The following UBR3 variants were observed in gnomAD, a reference collection of about 807,000 sequenced individuals.
UBR3 encodes ubiquitin protein ligase E3 component n-recognin 3, also known as E3 ubiquitin-protein ligase UBR3.
UBR3 carries 85 observed loss-of-function variants against 243.2 expected under a neutral mutation model. That is an observed-to-expected ratio of 0.35 (90% CI 0.29 to 0.42). UBR3 has a LOEUF of 0.42. UBR3 is among the 10% of genes least tolerant of loss of function. UBR3 has a pLI of 1.00. For missense variants in UBR3, 1,686 were observed against 2,300.8 expected (o/e 0.73, Z 5.47); for synonymous variants, 748 against 799.8 (o/e 0.94, Z 1.09).
intron 10 of UBR3, among the ~76,000 whole-genome samples, chr2:169,908,480 G>A (rs1304560431): frequency 6.6e-6 from 1 of 152,068 alleles, no homozygotes; most frequent in East Asian, 1.9e-4. Flanking sequence ...AGGTTTGTTT[G>A]TTCATTTATT....
chr2:169,865,821 A>G (rs2083238758), intron 1 of UBR3, among the ~76,000 whole-genome samples: 3 of 152,094 alleles, frequency 2.0e-5, no homozygotes. Context: ...TAGCTCTCTA[A>G]TCTGTCACAC....
intron 1 of UBR3, among the ~76,000 whole-genome samples, chr2:169,839,468 G>T (rs1341850621): frequency 1.3e-5 from 2 of 152,028 alleles, no homozygotes; most frequent in Non-Finnish European, 2.9e-5. Flanking sequence ...TATCAGTAGG[G>T]TAACTGTAGT....
At chr2:169,968,213 A>T (rs2105373856) in intron 24 of UBR3, among the ~76,000 whole-genome samples, 1 of 152,262 alleles carries the variant, frequency 6.6e-6, no homozygotes, top group East Asian at 1.9e-4. Flanking sequence ...TTGTGTTAGG[A>T]ACATTTCAAA....
intron 10 of UBR3, among the ~76,000 whole-genome samples, chr2:169,910,034 A>G (rs181560195): frequency 1.4e-4 from 22 of 152,270 alleles, no homozygotes; most frequent in East Asian, 5.8e-4. Context: ...GAGAATGTCA[A>G]GTTTAGAGAG....
At chr2:170,061,486 C>T (rs2091455563) in intron 35 of UBR3, 43 bp downstream of exon 35, 2 of 1,339,702 alleles carry the variant, frequency 1.5e-6, no homozygotes, top group Non-Finnish European at 2.1e-6. Context: ...TTTTTTTTTT[C>T]AGATGGAGTC....
chr2:169,893,107 T>C lies in UBR3; in HGVS notation c.1105+1876T>C, dbSNP rs117242442. Among the ~76,000 whole-genome samples the C allele has an allele frequency of 4.8e-3, 735 of 152,332 alleles. 16 individuals carry two copies. The East Asian group carries it at 0.056, about 12-fold the overall frequency. On this transcript the variant is annotated intron_variant, in intron 6 of 38. Transcript: ENST00000272793. ...ACTACATTTTCATAATATTACACAA[T>C]ATAACACGTGCTTTAACATCTTGGG...
At chr2:170,069,739 C>G (rs937273802) in intron 35 of UBR3, among the ~76,000 whole-genome samples, 1 of 151,892 alleles carries the variant, frequency 6.6e-6, no homozygotes, top group Non-Finnish European at 1.5e-5. Flanking sequence ...GATAAATTGA[C>G]AGCATTTCCT....
At chr2:169,959,559 A>G (rs941563641) in intron 24 of UBR3, among the ~76,000 whole-genome samples, 3 of 152,032 alleles carry the variant, frequency 2.0e-5, no homozygotes, top group African/African-American at 7.2e-5. Flanking sequence ...AATCTCTATT[A>G]GGTTTTTCCA....
chr2:170,039,269 G>A (rs551029345), intron 31 of UBR3, among the ~76,000 whole-genome samples: 1 of 152,076 alleles, frequency 6.6e-6, no homozygotes, highest in African/African-American at 2.4e-5. Context: ...CAAGTCAAGG[G>A]TCTGTAAGAT....
At chr2:170,025,418 A>G (rs1469754041) in intron 30 of UBR3, among the ~76,000 whole-genome samples, 1 of 152,200 alleles carries the variant, frequency 6.6e-6, no homozygotes, top group Non-Finnish European at 1.5e-5. Context: ...CCTGAAGGAC[A>G]AAATGATACT....
intron 36 of UBR3, chr2:170,077,660 A>C (rs915629400): frequency 5.0e-6 from 2 of 400,172 alleles, no homozygotes. Flanking sequence ...ATCTTGGCTT[A>C]CTGCAACCTC....
chr2:169,958,563 A>G (rs372766672), intron 24 of UBR3, 37 bp downstream of exon 24: 16 of 1,557,550 alleles, frequency 1.0e-5, no homozygotes, highest in Non-Finnish European at 1.4e-5. Flanking sequence ...TCTCATAATT[A>G]TACTTATTAC....
At chr2:170,080,137 T>C (rs2091882500) in intron 37 of UBR3, 114 bp downstream of exon 37, 4 of 978,352 alleles carry the variant, frequency 4.1e-6, no homozygotes, top group African/African-American at 3.3e-5. Flanking sequence ...ATAATACATA[T>C]AGGGATTGTG....
At chr2:170,001,282 T>G in intron 26 of UBR3, 22 bp from the exon 27 acceptor site, 1 of 1,505,494 alleles carries the variant, frequency 6.6e-7, no homozygotes, top group Non-Finnish European at 9.2e-7. Flanking sequence ...TTAATTGTAT[T>G]TGTCTTCTTT....
At chr2:169,890,313 G>T (rs1421015618) in intron 5 of UBR3, among the ~76,000 whole-genome samples, 3 of 151,760 alleles carry the variant, frequency 2.0e-5, no homozygotes, top group Non-Finnish European at 4.4e-5. Flanking sequence ...TAGTTGGCTG[G>T]CTTTCTTTAC....
intron 26 of UBR3, among the ~76,000 whole-genome samples, chr2:169,994,906 A>C (rs2089423395): frequency 6.6e-6 from 1 of 152,118 alleles, no homozygotes; most frequent in Non-Finnish European, 1.5e-5. Context: ...TAGCATGTCT[A>C]AATTGTCCTG....
chr2:169,828,850 A>G (rs1023597248), intron 1 of UBR3, among the ~76,000 whole-genome samples: 1 of 152,238 alleles, frequency 6.6e-6, no homozygotes, highest in Non-Finnish European at 1.5e-5. Flanking sequence ...AAAAGGAGAC[A>G]ACAAATGCCC....
At chr2:169,896,856 T>C in intron 8 of UBR3, 121 bp downstream of exon 8, 1 of 674,316 alleles carries the variant, frequency 1.5e-6, no homozygotes, top group East Asian at 3.2e-5. Flanking sequence ...TTAATCATAT[T>C]CTAGTATTAG....
chr2:169,871,704 T>G (rs1316200735), intron 1 of UBR3, among the ~76,000 whole-genome samples: 1 of 134,340 alleles, frequency 7.4e-6, no homozygotes, highest in Non-Finnish European at 1.6e-5. Flanking sequence ...GCCGAGATTG[T>G]GCCACTGCAC....
Sources: gnomAD v4.1 joint callset for allele counts (sites outside exome capture counted in the v4.1 genomes callset) on GRCh38, gnomAD v4.1.1 for gene constraint, MANE v1.5 for transcripts, NCBI Gene and HGNC (gene_info 2026-07-23, HGNC 2026-07-21) for gene names.